ABCA9: variants seen among roughly 807,000 people sequenced by gnomAD.
ABCA9 encodes ATP-binding cassette sub-family A member 9.
In ABCA9, 183 loss-of-function variants were observed where a neutral mutation model predicts 205.3. The ratio of observed to expected loss-of-function variants is 0.89; its 90% confidence interval spans 0.79 to 1.01. ABCA9 has a LOEUF of 1.01. ABCA9 is among the 50% of genes least tolerant of loss of function. The pLI is 0.00. For missense variants in ABCA9, 1,805 were observed against 1,912.4 expected (o/e 0.94, Z 1.05); for synonymous variants, 651 against 683.3 (o/e 0.95, Z 0.74).
At chr17:69,072,834 T>G in the ABCA9 span, among the ~76,000 whole-genome samples, 4 of 152,176 alleles carry the variant, frequency 2.6e-5, no homozygotes, top group Non-Finnish European at 5.9e-5. Context: ...GACTTATCAG[T>G]GTGCTGTATT....
At chr17:69,061,127 G>C (rs946643641), upstream of ABCA9, 36 of 985,222 alleles carry the variant, frequency 3.7e-5, no homozygotes, top group Non-Finnish European at 3.9e-5. Flanking sequence ...ACTCAGCAGG[G>C]AGTTTGTAGT....
intron 17 of ABCA9, 87 bp from the exon 18 acceptor site, chr17:69,021,948 C>T (rs1567950814): frequency 7.2e-6 from 8 of 1,112,632 alleles, no homozygotes; most frequent in African/African-American, 1.6e-5. Flanking sequence ...TGGTAATAGG[C>T]CAAATGTACT....
intron 31 of ABCA9, among the ~76,000 whole-genome samples, chr17:68,988,039 C>T (rs7217005): frequency 0.049 from 7,509 of 152,268 alleles, 433 homozygotes; most frequent in African/African-American, 0.13. Context: ...TCTGGGATTA[C>T]AGGCAGGAGC....
At chr17:69,078,114 A>T in the ABCA9 span, among the ~76,000 whole-genome samples, 1 of 152,076 alleles carries the variant, frequency 6.6e-6, no homozygotes, top group Non-Finnish European at 1.5e-5. Flanking sequence ...TATTTTCAAA[A>T]GGTATAATGG....
chr17:69,055,185 T>G (rs1452407747), intron 1 of ABCA9, among the ~76,000 whole-genome samples: 2 of 152,154 alleles, frequency 1.3e-5, no homozygotes, highest in Admixed American at 1.3e-4. Context: ...ATGGTCTAAA[T>G]GCACCAATTA....
rs560410844 is a variant in ABCA9 at position 69,032,160 on chromosome 17, T to G, written c.1393A>C (p.Asn465His). Residue 465 changes from asparagine (N) to histidine (H), a missense_variant, in exon 10 of 39, where the codon AAT becomes CAT. Coordinates refer to ENST00000340001, the MANE Select transcript of ABCA9 (RefSeq NM_080283.4). ...ENETDSDPTP[N>H]DCFEPVSPEF... is the part of the protein sequence containing the mutation. ...GGAGACACTGGTTCAAAACAGTCAT[T>G]AGGTGTAGGATCAGAATCTGTTTCA... 3 of 1,613,916 alleles carry G rather than the reference T, an allele frequency of 1.9e-6. No homozygotes were observed. The highest frequency in any genetic ancestry group is 1.3e-5 in the African/African-American group (1 of 75,034).
intron 24 of ABCA9, 41 bp from the exon 25 acceptor site, chr17:69,007,913 T>C (rs2070208257): frequency 8.2e-6 from 12 of 1,455,060 alleles, no homozygotes; most frequent in Non-Finnish European, 1.1e-5. Context: ...GTAAATACTA[T>C]CTAGAAGAGT....
chr17:69,027,570 C>G, intron 13 of ABCA9, 70 bp downstream of exon 13: 1 of 1,576,162 alleles, frequency 6.3e-7, no homozygotes, highest in South Asian at 1.2e-5. Flanking sequence ...TTATGTATAA[C>G]TTAGCACAAT....
chr17:69,035,236 T>G lies in ABCA9; in HGVS notation c.1128+10A>C. On this transcript the variant is annotated intron_variant, in intron 8 of 38. Coordinates refer to ENST00000340001, the MANE Select transcript of ABCA9 (RefSeq NM_080283.4). ...TTTGTAAAAAGTGAAAGTGTTACCT[T>G]AACTCTTACCTGGGCCATCCCAACA... is the stretch of plus-strand genomic sequence containing the variant. 2 of 1,544,336 alleles carry G rather than the reference T, an allele frequency of 1.3e-6. No individual in the cohort carries two copies. The highest frequency in any genetic ancestry group is 1.7e-6 in the Non-Finnish European group (2 of 1,149,514).
intron 15 of ABCA9, 139 bp downstream of exon 15, chr17:69,026,837 C>T (rs2071003928): frequency 3.0e-6 from 3 of 1,014,178 alleles, no homozygotes; most frequent in East Asian, 2.6e-5. Flanking sequence ...GGCATGCAGA[C>T]CCACAAATGA....
chr17:68,979,924 A>G (rs77456123), intron 37 of ABCA9, among the ~76,000 whole-genome samples: 1 of 152,338 alleles, frequency 6.6e-6, no homozygotes, highest in South Asian at 2.1e-4. Context: ...AAAAGACAAA[A>G]TTGACAAATG....
intron 21 of ABCA9, 34 bp from the exon 22 acceptor site, chr17:69,016,424 A>C (rs757153354): frequency 6.5e-7 from 1 of 1,531,142 alleles, no homozygotes; most frequent in Non-Finnish European, 8.7e-7. Flanking sequence ...CGAAGTCTTC[A>C]TAAAGCAAAG....
At position 69,012,093 on chromosome 17, in the gene ABCA9, T is replaced by C. The variant is rs370389160; in HGVS notation, c.3040-10A>G. 1.4e-5 allele frequency: 23 copies of C among 1,589,624 alleles called. No homozygotes were observed. The highest frequency in any genetic ancestry group is 1.8e-5 in the Non-Finnish European group (21 of 1,162,160). On this transcript the variant is annotated splice_polypyrimidine_tract_variant and intron_variant, in intron 22 of 38. Transcript: ENST00000340001. ...CATAATCCATATGCTCCTGAAATCA[T>C]GTGGAACATGGTGAGCTGATGGCGA...
chr17:68,989,687 C>G (rs2069381046), intron 30 of ABCA9, 126 bp downstream of exon 30: 5 of 595,032 alleles, frequency 8.4e-6, no homozygotes, highest in Middle Eastern at 9.4e-4. Context: ...GGCTTTTAAG[C>G]AGGAGGAGCA....
chr17:69,048,063 G>A (rs1333444594), intron 3 of ABCA9, among the ~76,000 whole-genome samples: 1 of 152,154 alleles, frequency 6.6e-6, no homozygotes, highest in Non-Finnish European at 1.5e-5. Flanking sequence ...GCAAAGGGGG[G>A]AAAACCCCTT....
Position 68,986,193 on chromosome 17 carries a change from C to T in ABCA9, c.4179G>A (p.Arg1393=). 1.2e-6 allele frequency: 2 copies of T among 1,612,956 alleles called. No homozygotes were observed. Among genetic ancestry groups the T allele is most frequent in the Non-Finnish European group, 1.7e-6 (2 of 1,179,442 alleles). The change falls in exon 32 of 39, where the codon AGG becomes AGA. Residue 1393 remains arginine (R), a synonymous_variant. Coordinates refer to ENST00000340001, the MANE Select transcript of ABCA9 (RefSeq NM_080283.4). ...TGATGGCGATCATTGCGTCCCCTTT[C>T]CTGAGACCTTTCACGGCAGCGTACA... ...LEVYAAVKGL[R]KGDAMIAITR... is the part of the protein sequence containing the mutation.
upstream of ABCA9, among the ~76,000 whole-genome samples, chr17:69,065,123 T>C (rs8074837): frequency 0.35 from 53,599 of 151,824 alleles, 9,753 homozygotes; most frequent in East Asian, 0.67. Flanking sequence ...GGGAATTTCA[T>C]GACAGTGTGC....
In ABCA9 at chr17:69,051,100, A is replaced by G. The variant is rs933984295; in HGVS notation, c.27T>C (p.Gly9=). The part of the protein sequence containing the change: MSKRRMSV[G]QQTWALLCKN... The stretch of plus-strand genomic sequence containing the variant: ...TGCAGAGAAGAGCCCATGTTTGCTG[A>G]CCCACGCTCATGCGTCTCTTGCTCA... The change falls in exon 2 of 39, where the codon GGT becomes GGC. Residue 9 remains glycine, a synonymous_variant. Coordinates refer to ENST00000340001, the MANE Select transcript of ABCA9 (RefSeq NM_080283.4). 6.2e-7 allele frequency: 1 copy of G among 1,613,586 alleles called. No homozygotes were observed. Among genetic ancestry groups the G allele is most frequent in the Non-Finnish European group, 8.5e-7 (1 of 1,179,834 alleles).
chr17:69,076,997 G>T, the ABCA9 span, among the ~76,000 whole-genome samples: 14 of 151,542 alleles, frequency 9.2e-5, no homozygotes, highest in South Asian at 2.9e-3. Context: ...GTGGATTTTT[G>T]GGCCTCAATT....
Sources: gnomAD v4.1 joint callset for allele counts (sites outside exome capture counted in the v4.1 genomes callset) on GRCh38, gnomAD v4.1.1 for gene constraint, MANE v1.5 for transcripts, NCBI Gene and HGNC (gene_info 2026-07-23, HGNC 2026-07-21) for gene names.